RAMP1: variants seen among roughly 807,000 people sequenced by gnomAD.
RAMP1 encodes receptor activity-modifying protein 1.
Under a neutral mutation model 8.2 loss-of-function variants are expected in RAMP1, and 7 were observed. That is an observed-to-expected ratio of 0.85 (90% CI 0.49 to 1.60). RAMP1 has a LOEUF of 1.60. Ranked by LOEUF, RAMP1 falls within the 40% of genes most tolerant of loss-of-function variation. The probability of loss-of-function intolerance (pLI) is 0.00; values close to 1 mark genes in which losing one functional copy is unlikely to be tolerated. For missense variants in RAMP1, 192 were observed against 202.4 expected, an observed-to-expected ratio of 0.95 and a Z score of 0.31; for synonymous variants, 92 against 84.7, an observed-to-expected ratio of 1.09 and a Z score of -0.47.
rs183090253 is a variant in RAMP1, at chr2:237,888,603, C to T, written c.191+11241C>T. ...TTTGTTTTTTCTCAAGTGCAAGTTA[C>T]GTCACCATGACCTTTCCTATTTGTC... On this transcript the variant is annotated intron_variant, in intron 2 of 2. Transcript: ENST00000254661. 1.8e-4 allele frequency among the ~76,000 whole-genome samples: 28 copies of T among 152,296 alleles called. No homozygotes were observed. The East Asian group carries it at 2.3e-3, about 13-fold the overall frequency.
intron 1 of RAMP1, 189 bp downstream of exon 1, chr2:237,859,916 G>A: frequency 7.9e-6 from 4 of 504,420 alleles, no homozygotes. Context: ...CACAGGGGAG[G>A]CGGAGGGCGC....
chr2:237,899,203 T>C (rs2062574480), intron 2 of RAMP1, among the ~76,000 whole-genome samples: 1 of 152,170 alleles, frequency 6.6e-6, no homozygotes, highest in African/African-American at 2.4e-5. Flanking sequence ...CCTGAGTAGC[T>C]GGGACTACAG....
chr2:237,910,866 CAG>C (rs2062705259), intron 2 of RAMP1, among the ~76,000 whole-genome samples: 1 of 151,758 alleles, frequency 6.6e-6, no homozygotes, highest in African/African-American at 2.4e-5. Context: ...CAGCCACACA[CAG>C]AGAATAACAG....
At chr2:237,910,570 AACAGTTAC>A (rs1319618167) in intron 2 of RAMP1, among the ~76,000 whole-genome samples, 1 of 150,988 alleles carries the variant, frequency 6.6e-6, no homozygotes, top group Non-Finnish European at 1.5e-5. Context: ...CACACAGAAT[AACAGTTAC>A]ACAGTCACAC....
intron 1 of RAMP1, among the ~76,000 whole-genome samples, chr2:237,871,302 C>G (rs73090606): frequency 2.0e-5 from 3 of 152,318 alleles, no homozygotes; most frequent in African/African-American, 4.8e-5. Flanking sequence ...GGAGCTCAGA[C>G]AGCTGAGTGC....
At chr2:237,884,822 ACTGCGGACCCTGCCCTGCC>A (rs913120318) in intron 2 of RAMP1, among the ~76,000 whole-genome samples, 4 of 152,216 alleles carry the variant, frequency 2.6e-5, no homozygotes, top group African/African-American at 9.6e-5. Flanking sequence ...CGAGGCTGTC[ACTGCGGACCCTGCCCTGCC>A]CTGCCGACCC....
At chr2:237,859,951 G>A (rs535713517) in intron 1 of RAMP1, 8 of 444,584 alleles carry the variant, frequency 1.8e-5, no homozygotes, top group Non-Finnish European at 3.2e-5. Context: ...CTTCTCGCCG[G>A]GGAAGGGACG....
intron 2 of RAMP1, among the ~76,000 whole-genome samples, chr2:237,898,084 C>G (rs2062561136): frequency 6.6e-6 from 1 of 152,182 alleles, no homozygotes; most frequent in African/African-American, 2.4e-5. Context: ...CAGGCGGGAA[C>G]CACTGTGCCT....
chr2:237,911,089 TAGTC>T (rs1333390202), intron 2 of RAMP1, among the ~76,000 whole-genome samples: 11 of 149,614 alleles, frequency 7.4e-5, no homozygotes, highest in African/African-American at 2.5e-4. Context: ...CAGTTACACA[TAGTC>T]ACACACAGTC....
chr2:237,893,800 G>A (rs1340640767), intron 2 of RAMP1, among the ~76,000 whole-genome samples: 3 of 151,842 alleles, frequency 2.0e-5, no homozygotes, highest in Non-Finnish European at 2.9e-5. Context: ...TCAGTTGGGC[G>A]TGGTGGCACG....
chr2:237,892,632 C>T (rs938194063), intron 2 of RAMP1, among the ~76,000 whole-genome samples: 1 of 152,124 alleles, frequency 6.6e-6, no homozygotes, highest in African/African-American at 2.4e-5. Context: ...AAATGTGAAG[C>T]AAACAGATGT....
chr2:237,870,589 C>A (rs76587622), intron 1 of RAMP1, among the ~76,000 whole-genome samples: 17,039 of 152,200 alleles, frequency 0.11, 1,123 homozygotes, highest in Middle Eastern at 0.29. Flanking sequence ...TTTAGTTCAA[C>A]CTGTGTTTTA....
intron 2 of RAMP1, among the ~76,000 whole-genome samples, chr2:237,885,855 G>A (rs1043469575): frequency 3.3e-5 from 5 of 152,296 alleles, no homozygotes; most frequent in African/African-American, 1.2e-4. Context: ...CACACCCCAG[G>A]GGCACGGAAA....
At chr2:237,874,218 C>T (rs1179066905) in intron 1 of RAMP1, among the ~76,000 whole-genome samples, 5 of 152,190 alleles carry the variant, frequency 3.3e-5, no homozygotes, top group Non-Finnish European at 5.9e-5. Context: ...GGGGGCAGGC[C>T]GCTGCTCTGG....
At position 237,907,458 on chromosome 2, in the gene RAMP1, A is replaced by T. The variant is rs77240316; in HGVS notation, c.192-4070A>T. The stretch of plus-strand genomic sequence containing the variant: ...CACATTATGAGTTGAGGTTGATGTC[A>T]TTTATAGGATTGTCATGTTACACAG... On this transcript the variant is annotated intron_variant, in intron 2 of 2. Coordinates refer to ENST00000254661, the MANE Select transcript of RAMP1 (RefSeq NM_005855.4). 5.3e-5 allele frequency among the ~76,000 whole-genome samples: 8 copies of T among 152,034 alleles called. No homozygotes were observed. In the East Asian group the frequency reaches 1.5e-3, roughly 29 times the overall value.
intron 2 of RAMP1, among the ~76,000 whole-genome samples, chr2:237,884,265 T>C (rs1427854854): frequency 6.6e-6 from 1 of 152,114 alleles, no homozygotes; most frequent in Non-Finnish European, 1.5e-5. Flanking sequence ...TTACCAGGGG[T>C]TATCATCTCA....
At chr2:237,896,576 G>A (rs1183479416) in intron 2 of RAMP1, among the ~76,000 whole-genome samples, 1 of 152,252 alleles carries the variant, frequency 6.6e-6, no homozygotes, top group Non-Finnish European at 1.5e-5. Flanking sequence ...GAGGGGGTAA[G>A]AACACCTGCC....
intron 1 of RAMP1, among the ~76,000 whole-genome samples, chr2:237,870,151 C>T (rs764952693): frequency 1.3e-5 from 2 of 152,272 alleles, no homozygotes; most frequent in Non-Finnish European, 2.9e-5. Context: ...TGTGTCATGT[C>T]CCGCCACCCA....
intron 2 of RAMP1, among the ~76,000 whole-genome samples, chr2:237,894,809 T>G (rs1297529194): frequency 3.9e-5 from 6 of 152,164 alleles, no homozygotes; most frequent in Non-Finnish European, 2.9e-5. Context: ...CTCCCCGTGG[T>G]GCACAAACAC....
Sources: allele counts gnomAD v4.1 joint callset (sites outside exome capture counted in the v4.1 genomes callset), GRCh38; gene constraint gnomAD v4.1.1; transcripts MANE v1.5; gene names NCBI Gene and HGNC (gene_info 2026-07-23, HGNC 2026-07-21).